The following PLEKHH1 variants were observed in gnomAD, a reference collection of about 807,000 sequenced individuals.
The protein encoded by PLEKHH1 is pleckstrin homology, MyTH4 and FERM domain containing H1.
PLEKHH1 carries 104 observed loss-of-function variants against 160.0 expected under a neutral mutation model. The observed-to-expected ratio is 0.65, with a 90% CI of 0.55 to 0.76. The LOEUF (loss-of-function observed/expected upper bound fraction) is 0.76. Ranked by LOEUF, PLEKHH1 falls within the 30% of genes least tolerant of loss-of-function variation. The probability of loss-of-function intolerance (pLI) is 0.00; values close to 1 mark genes in which losing one functional copy is unlikely to be tolerated. For synonymous variants in PLEKHH1, 619 were observed against 678.4 expected (o/e 0.91, Z 1.36); for missense variants, 1,427 against 1,724.1 (o/e 0.83, Z 3.05).
rs768722033 is a variant in PLEKHH1 at position 67,577,290 on chromosome 14, T to C, written c.2462-12T>C. On this transcript the variant is annotated splice_polypyrimidine_tract_variant and intron_variant, in intron 17 of 28. Transcript: ENST00000329153. ...TAACTGCCCTTGCTCTCTGGTTCCG[T>C]GCTTTGGGCAGATTCGCCGCTCTGG... 1 of 1,547,470 alleles carries C rather than the reference T, an allele frequency of 6.5e-7. No homozygotes were observed. The highest frequency in any genetic ancestry group is 1.2e-5 in the South Asian group (1 of 84,188).
At chr14:67,587,025 T>A in intron 28 of PLEKHH1, 49 bp from the exon 29 acceptor site, 2 of 1,536,754 alleles carry the variant, frequency 1.3e-6, no homozygotes, top group Non-Finnish European at 1.8e-6. Context: ...AAAGCCAGGA[T>A]TCAAGCCAAG....
chr14:67,562,843 G>C lies in PLEKHH1; in HGVS notation c.1212G>C (p.Val404=), dbSNP rs367744240. 1.1e-5 allele frequency: 17 copies of C among 1,613,544 alleles called. No homozygotes were observed. In the African/African-American group the frequency reaches 2.1e-4, roughly 20 times the overall value. The part of the protein sequence containing the change: ...PKALGAELEE[V]ELGNKPPTPP... ...CCCTTGGAGCTGAGCTGGAGGAAGT[G>C]GAGCTGGGTAACAAGCCACCTACAC... The change falls in exon 7 of 29, where the codon GTG becomes GTC. Residue 404 remains valine, a synonymous_variant. Coordinates refer to ENST00000329153, the MANE Select transcript of PLEKHH1 (RefSeq NM_020715.3).
At position 67,547,573 on chromosome 14, in the gene PLEKHH1, C is replaced by G. The variant is rs547968771; in HGVS notation, c.126+5580C>G. ...CTCCCACCCATCTGCTCCCCTACCT[C>G]TCTACCCAGCTGGCCCTGGGACATT... On this transcript the variant is annotated intron_variant, in intron 2 of 28. Coordinates refer to ENST00000329153, the MANE Select transcript of PLEKHH1 (RefSeq NM_020715.3). 4.6e-5 allele frequency among the ~76,000 whole-genome samples: 7 copies of G among 152,298 alleles called. No individual in the cohort carries two copies. In the East Asian group the frequency reaches 1.4e-3, roughly 29 times the overall value.
intron 2 of PLEKHH1, among the ~76,000 whole-genome samples, chr14:67,542,268 C>T (rs1387208061): frequency 1.3e-5 from 2 of 152,198 alleles, no homozygotes; most frequent in African/African-American, 4.8e-5. Context: ...GTGGCTGCAG[C>T]GGAGAGGTTC....
intron 2 of PLEKHH1, among the ~76,000 whole-genome samples, chr14:67,549,889 G>C (rs546661101): frequency 6.6e-5 from 10 of 152,346 alleles, no homozygotes; most frequent in African/African-American, 2.2e-4. Context: ...CCAAGAATCT[G>C]CATGATGACA....
At chr14:67,584,518 C>A (rs2036056485) in intron 26 of PLEKHH1, among the ~76,000 whole-genome samples, 1 of 152,204 alleles carries the variant, frequency 6.6e-6, no homozygotes, top group African/African-American at 2.4e-5. Context: ...GTTAATTTCA[C>A]CTCTGTATGA....
chr14:67,546,909 A>C (rs1272973206), intron 2 of PLEKHH1, among the ~76,000 whole-genome samples: 1 of 152,164 alleles, frequency 6.6e-6, no homozygotes, highest in African/African-American at 2.4e-5. Flanking sequence ...GTTTGCCTAA[A>C]GTATTTCATA....
At chr14:67,550,441 G>A (rs1007933319) in intron 2 of PLEKHH1, among the ~76,000 whole-genome samples, 1 of 152,116 alleles carries the variant, frequency 6.6e-6, no homozygotes, top group Non-Finnish European at 1.5e-5. Flanking sequence ...CATCCGCCTC[G>A]GCCTCCCAAA....
chr14:67,567,240 G>C (rs969266348), intron 7 of PLEKHH1, among the ~76,000 whole-genome samples: 11 of 152,194 alleles, frequency 7.2e-5, no homozygotes, highest in African/African-American at 2.7e-4. Context: ...CATCTGGGGA[G>C]GGCGGTGGGG....
chr14:67,553,386 A>T (rs12885547), intron 2 of PLEKHH1, among the ~76,000 whole-genome samples: 1 of 151,838 alleles, frequency 6.6e-6, no homozygotes, highest in Non-Finnish European at 1.5e-5. Context: ...TAAAAAAAAA[A>T]CCCCAAAACC....
chr14:67,581,127 G>A, intron 23 of PLEKHH1, 89 bp downstream of exon 23: 1 of 812,366 alleles, frequency 1.2e-6, no homozygotes, highest in Non-Finnish European at 2.1e-6. Flanking sequence ...AGCCTATCCA[G>A]ACGGGGGGAG....
At chr14:67,559,028 T>A (rs538608643) in intron 4 of PLEKHH1, among the ~76,000 whole-genome samples, 60 of 152,318 alleles carry the variant, frequency 3.9e-4, no homozygotes, top group African/African-American at 1.3e-3. Context: ...ACCTTTAAGG[T>A]CCTTCCAGCT....
In PLEKHH1 at chr14:67,579,284, C is replaced by A; in HGVS notation, c.3000C>A (p.Pro1000=). ...ACCACTCCTTGCCCTTCAGCATCCC[C>A]GTGCACTTTACCAACGGGACTTACC... ...PFHHSLPFSI[P]VHFTNGTYHV... is the part of the protein sequence containing the mutation. Residue 1000 remains proline (P), a synonymous_variant, in exon 21 of 29, where the codon CCC becomes CCA. Transcript: ENST00000329153. 1 of 1,564,034 alleles carries A rather than the reference C, an allele frequency of 6.4e-7. No individual in the cohort carries two copies. The highest frequency in any genetic ancestry group is 8.6e-7 in the Non-Finnish European group (1 of 1,158,334).
intron 21 of PLEKHH1, 29 bp from the exon 22 acceptor site, chr14:67,579,692 T>G (rs775267398): frequency 6.2e-7 from 1 of 1,606,612 alleles, no homozygotes; most frequent in Non-Finnish European, 8.5e-7. Context: ...GGAGGTTCAC[T>G]CAGGGTTGGA....
At chr14:67,541,572 A>C (rs2033963418) in intron 1 of PLEKHH1, among the ~76,000 whole-genome samples, 1 of 152,188 alleles carries the variant, frequency 6.6e-6, no homozygotes, top group Non-Finnish European at 1.5e-5. Flanking sequence ...CTTCTGTCCA[A>C]ATGAGACTAG....
intron 7 of PLEKHH1, among the ~76,000 whole-genome samples, chr14:67,564,222 C>G (rs962150667): frequency 1.5e-4 from 23 of 151,886 alleles, no homozygotes; most frequent in African/African-American, 5.6e-4. Flanking sequence ...AGGCTAGTCT[C>G]AAAGTCCTGA....
At chr14:67,586,213 G>A in intron 28 of PLEKHH1, 116 bp downstream of exon 28, 1 of 1,292,088 alleles carries the variant, frequency 7.7e-7, no homozygotes, top group Non-Finnish European at 1.1e-6. Flanking sequence ...AGATAAAATT[G>A]TTGGTCTTGT....
chr14:67,585,587 A>G lies in PLEKHH1; in HGVS notation c.3719A>G (p.Lys1240Arg), dbSNP rs1388631734. ...FAAQPAQLSSKENALVWIAVN... is the reference protein window; with the variant it reads ...FAAQPAQLSSRENALVWIAVN... ...CCCCAGCCTGCCCAGCTGTCTTCCAAGGAGAACGCTCTGGTGTGGATTGCT... is the reference window on the plus strand; with the variant it reads ...CCCCAGCCTGCCCAGCTGTCTTCCAGGGAGAACGCTCTGGTGTGGATTGCT... The change falls in exon 27 of 29, where the codon AAG becomes AGG. Residue 1240 changes from lysine (K) to arginine (R), a missense_variant. Transcript: ENST00000329153. 2 of 1,583,472 alleles carry G rather than the reference A, an allele frequency of 1.3e-6. No homozygotes were observed. Among genetic ancestry groups the G allele is most frequent in the East Asian group, 2.3e-5 (1 of 43,554 alleles).
At chr14:67,543,103 A>G (rs772127079) in intron 2 of PLEKHH1, among the ~76,000 whole-genome samples, 3 of 152,234 alleles carry the variant, frequency 2.0e-5, no homozygotes, top group Non-Finnish European at 2.9e-5. Context: ...TAAGTGAATC[A>G]ATCATTATAT....
Sources: allele counts gnomAD v4.1 joint callset (sites outside exome capture counted in the v4.1 genomes callset), GRCh38; gene constraint gnomAD v4.1.1; transcripts MANE v1.5; gene names NCBI Gene and HGNC (gene_info 2026-07-23, HGNC 2026-07-21).